Variants in WWC2 observed in about 807,000 individuals in gnomAD.
WWC2 encodes the protein WW and C2 domain containing 2, also known as protein WWC2.
WWC2 carries 101 observed loss-of-function variants against 138.5 expected under a neutral mutation model. That is an observed-to-expected ratio of 0.73 (90% CI 0.62 to 0.86). WWC2 has a LOEUF of 0.86. Ranked by LOEUF, WWC2 falls within the 40% of genes least tolerant of loss-of-function variation. The pLI is 0.00. For synonymous variants in WWC2, 558 were observed against 538.4 expected (o/e 1.04, Z -0.50); for missense variants, 1,420 against 1,419.4 (o/e 1.00, Z -0.01).
chr4:183,278,074 A>T (rs1472696113), intron 16 of WWC2, among the ~76,000 whole-genome samples: 5 of 152,036 alleles, frequency 3.3e-5, no homozygotes, highest in African/African-American at 1.2e-4. Flanking sequence ...CTGAATGGTA[A>T]TGCCTAGGTT....
chr4:183,284,076 A>G, intron 18 of WWC2, 150 bp from the exon 19 acceptor site: 2 of 837,264 alleles, frequency 2.4e-6, no homozygotes, highest in South Asian at 3.8e-5. Flanking sequence ...GAAGTACTAT[A>G]GTCTGTAATG....
chr4:183,167,073 A>C (rs993429293), intron 1 of WWC2, among the ~76,000 whole-genome samples: 1 of 152,164 alleles, frequency 6.6e-6, no homozygotes, highest in Non-Finnish European at 1.5e-5. Context: ...TCACATCAGG[A>C]CAAACCACCA....
At chr4:183,114,510 G>A (rs914787704) in intron 1 of WWC2, among the ~76,000 whole-genome samples, 2 of 152,062 alleles carry the variant, frequency 1.3e-5, no homozygotes, top group Admixed American at 6.6e-5. Flanking sequence ...TACTAAATTT[G>A]GTTTATACAT....
intron 1 of WWC2, among the ~76,000 whole-genome samples, chr4:183,147,968 C>A (rs1249543538): frequency 2.0e-5 from 3 of 152,112 alleles, no homozygotes; most frequent in African/African-American, 7.2e-5. Context: ...ACTGAATAAT[C>A]CTTTTGTTTT....
intron 1 of WWC2, among the ~76,000 whole-genome samples, chr4:183,138,013 G>A (rs1419224797): frequency 6.6e-6 from 1 of 152,116 alleles, no homozygotes; most frequent in African/African-American, 2.4e-5. Flanking sequence ...CAAAAGATGG[G>A]TTCTTTCAGA....
At chr4:183,252,432 GA>G (rs1737007596) in intron 8 of WWC2, among the ~76,000 whole-genome samples, 2 of 152,202 alleles carry the variant, frequency 1.3e-5, no homozygotes, top group African/African-American at 4.8e-5. Context: ...CAAGTTATTT[GA>G]CTCAGGTGGT....
intron 1 of WWC2, among the ~76,000 whole-genome samples, chr4:183,103,915 T>TGA (rs1339350553): frequency 6.6e-6 from 1 of 151,620 alleles, no homozygotes; most frequent in Non-Finnish European, 1.5e-5. Context: ...ATTACAGGCA[T>TGA]GAGCCACCAC....
chr4:183,115,391 T>C (rs1579952000), intron 1 of WWC2, among the ~76,000 whole-genome samples: 2 of 152,220 alleles, frequency 1.3e-5, no homozygotes, highest in African/African-American at 4.8e-5. Context: ...ATATACCCAG[T>C]AAAGGGATTG....
chr4:183,133,979 C>A (rs1223350028), intron 1 of WWC2, among the ~76,000 whole-genome samples: 1 of 152,144 alleles, frequency 6.6e-6, no homozygotes, highest in Admixed American at 6.5e-5. Context: ...TTCTTTATTG[C>A]TTACAAAACT....
chr4:183,256,070 G>A (rs2111346776), intron 9 of WWC2, among the ~76,000 whole-genome samples: 1 of 152,242 alleles, frequency 6.6e-6, no homozygotes, highest in Non-Finnish European at 1.5e-5. Context: ...ATGATTGGAT[G>A]TTAGCAGGAA....
intron 1 of WWC2, among the ~76,000 whole-genome samples, chr4:183,124,899 C>G (rs1732714054): frequency 6.6e-6 from 1 of 152,080 alleles, no homozygotes; most frequent in Non-Finnish European, 1.5e-5. Flanking sequence ...AACTTAGAAT[C>G]TATGGTAGCT....
chr4:183,193,172 T>C (rs4241765), intron 1 of WWC2, among the ~76,000 whole-genome samples: 148,351 of 152,300 alleles, frequency 0.97, 72,382 homozygotes, highest in East Asian at 1. Context: ...AATTTATAAA[T>C]GGGCATCCAG....
intron 1 of WWC2, among the ~76,000 whole-genome samples, chr4:183,117,215 CTTTTTTTTT>C (rs923478529): frequency 7.3e-5 from 7 of 95,674 alleles, no homozygotes; most frequent in Admixed American, 2.5e-4. Context: ...CATTCTTCTT[CTTTTTTTTT>C]TTTTTTTTTT....
intron 16 of WWC2, among the ~76,000 whole-genome samples, chr4:183,273,473 T>A (rs530025779): frequency 1.6e-4 from 24 of 151,996 alleles, no homozygotes; most frequent in Non-Finnish European, 3.2e-4. Flanking sequence ...CCCAGCTAAT[T>A]TTGTATTTTT....
chr4:183,203,553 C>T (rs1316688720), intron 2 of WWC2: 1 of 152,116 alleles, frequency 6.6e-6, no homozygotes, highest in East Asian at 1.9e-4. Context: ...CTCTCTACAC[C>T]CCTAAGAAAG....
chr4:183,121,204 CAAAAAAAA>C lies in WWC2; in HGVS notation c.131+21590_131+21597del, dbSNP rs796207947. 2.6e-5 allele frequency among the ~76,000 whole-genome samples: 3 copies of C among 113,344 alleles called. 1 individual carries two copies. The Admixed American group carries it at 2.7e-4, about 10-fold the overall frequency. 74.4% of individuals were successfully genotyped at this position (113,344 alleles called of 152,430 possible). A position where few individuals can be genotyped will look rare whatever the true frequency, so the allele number is the denominator to read the frequency against. On this transcript the variant is annotated intron_variant, in intron 1 of 22. Transcript: ENST00000403733. ...TGGGCAACAGATAGAGACATTATCT[CAAAAAAAA>C]AAAAAAAGTAACATTGTGGAGGAAA...
At chr4:183,290,742 C>A (rs907393328) in intron 21 of WWC2, among the ~76,000 whole-genome samples, 1 of 152,186 alleles carries the variant, frequency 6.6e-6, no homozygotes, top group African/African-American at 2.4e-5. Flanking sequence ...ACATTGTTTT[C>A]TATCAGTCCC....
chr4:183,247,335 GCCATCACAGA>G (rs1430381116), intron 6 of WWC2, among the ~76,000 whole-genome samples: 2 of 151,566 alleles, frequency 1.3e-5, no homozygotes, highest in East Asian at 3.9e-4. Context: ...AGAATGCATT[GCCATCACAGA>G]TGAGTTTGAA....
In WWC2 at chr4:183,148,647, C is replaced by T. The variant is rs139600675; in HGVS notation, c.132-44952C>T. Among the ~76,000 whole-genome samples, 210 of 152,282 alleles carry T rather than the reference C, an allele frequency of 1.4e-3. 1 individual carries two copies. Among genetic ancestry groups the T allele is most frequent in the African/African-American group, 4.9e-3 (203 of 41,560 alleles). On this transcript the variant is annotated intron_variant, in intron 1 of 22. Coordinates refer to ENST00000403733, the MANE Select transcript of WWC2 (RefSeq NM_024949.6). ...TATGTCTTCGCTTCTTTCTAGATATCTTTGTTGTAGCTCTCAGCTCATAAG... is the reference window on the plus strand; with the variant it reads ...TATGTCTTCGCTTCTTTCTAGATATTTTTGTTGTAGCTCTCAGCTCATAAG...
Sources: allele counts gnomAD v4.1 joint callset (sites outside exome capture counted in the v4.1 genomes callset), GRCh38; gene constraint gnomAD v4.1.1; transcripts MANE v1.5; gene names NCBI Gene and HGNC (gene_info 2026-07-23, HGNC 2026-07-21).